MALRD1: variants seen among roughly 807,000 people sequenced by gnomAD.
The protein encoded by MALRD1 is MAM and LDL-receptor class A domain-containing protein 1.
MALRD1 carries 247 observed loss-of-function variants against 242.1 expected under a neutral mutation model. The ratio of observed to expected loss-of-function variants is 1.02; its 90% CI spans 0.92 to 1.13. The LOEUF (loss-of-function observed/expected upper bound fraction) is 1.13. MALRD1 is among the 50% of genes most tolerant of loss of function. The pLI, the probability that MALRD1 is intolerant of heterozygous loss-of-function variation, is 0.00. For synonymous variants in MALRD1, 995 were observed against 866.6 expected, an observed-to-expected ratio of 1.15 and a Z score of -2.60; for missense variants, 2,989 against 2,533.1, an observed-to-expected ratio of 1.18 and a Z score of -3.86.
At chr10:19,184,495 A>T (rs980296748) in intron 14 of MALRD1, among the ~76,000 whole-genome samples, 1 of 152,082 alleles carries the variant, frequency 6.6e-6, no homozygotes, top group East Asian at 1.9e-4. Flanking sequence ...TTTCTTTAGG[A>T]TAGATCATAA....
chr10:19,306,098 CTAGATAGTA>C (rs1588884638), intron 21 of MALRD1, among the ~76,000 whole-genome samples: 4 of 101,114 alleles, frequency 4.0e-5, no homozygotes, highest in Non-Finnish European at 5.4e-5. Context: ...ATACTATATA[CTAGATAGTA>C]TATATATACT....
intron 18 of MALRD1, among the ~76,000 whole-genome samples, chr10:19,228,889 A>G (rs1837913722): frequency 6.6e-6 from 1 of 152,110 alleles, no homozygotes. Flanking sequence ...ATTTTTGGTA[A>G]GTCTTTAATT....
rs371912735 is a variant in MALRD1, at chr10:19,321,534, G to A, written c.3420-2415G>A. Among the ~76,000 whole-genome samples, 120 of 152,218 alleles carry A rather than the reference G, an allele frequency of 7.9e-4. 1 individual carries two copies. The highest frequency in any genetic ancestry group is 2.7e-3 in the African/African-American group (114 of 41,548). On this transcript the variant is annotated intron_variant, in intron 21 of 39. Transcript: ENST00000454679. ...AGATGTAAATAGCTCCAGAGTACAT[G>A]TGATAATTTAATACATTTAACTAAA...
At chr10:19,698,527 A>T (rs756172923) in intron 38 of MALRD1, among the ~76,000 whole-genome samples, 1 of 152,130 alleles carries the variant, frequency 6.6e-6, no homozygotes, top group Non-Finnish European at 1.5e-5. Flanking sequence ...TTTTGAAGTT[A>T]TTGTCTTTTG....
At chr10:19,513,452 C>T (rs1358325899) in intron 31 of MALRD1, among the ~76,000 whole-genome samples, 1 of 149,412 alleles carries the variant, frequency 6.7e-6, no homozygotes, top group Non-Finnish European at 1.5e-5. Context: ...GAAAATTATC[C>T]AACCTGGCCG....
chr10:19,236,198 T>C (rs1359909200), intron 18 of MALRD1, among the ~76,000 whole-genome samples: 1 of 152,198 alleles, frequency 6.6e-6, no homozygotes, highest in East Asian at 1.9e-4. Flanking sequence ...TTCACTCTCT[T>C]AGCCCCATTT....
At chr10:19,514,566 G>T (rs1286666047) in intron 31 of MALRD1, among the ~76,000 whole-genome samples, 1 of 152,168 alleles carries the variant, frequency 6.6e-6, no homozygotes, top group African/African-American at 2.4e-5. Flanking sequence ...ATTAAAATAG[G>T]ATTACAGGGC....
At chr10:19,393,354 G>C (rs1846416362) in intron 28 of MALRD1, among the ~76,000 whole-genome samples, 1 of 151,392 alleles carries the variant, frequency 6.6e-6, no homozygotes, top group Non-Finnish European at 1.5e-5. Flanking sequence ...GTAGAAAATG[G>C]GTTTTACAAC....
At chr10:19,594,330 G>A (rs7069086) in intron 33 of MALRD1, among the ~76,000 whole-genome samples, 84,779 of 151,952 alleles carry the variant, frequency 0.56, 24,055 homozygotes, top group African/African-American at 0.68. Flanking sequence ...TAAAAAGTCA[G>A]AAAACAGTAG....
In MALRD1 at chr10:19,536,045, C is replaced by T. The variant is rs185077616; in HGVS notation, c.5478+4694C>T. On this transcript the variant is annotated intron_variant, in intron 32 of 39. Coordinates refer to ENST00000454679, the MANE Select transcript of MALRD1 (RefSeq NM_001142308.3). ...CTGTGGGAGTATGTCTCCTTGTCAG[C>T]GTAAATTTTCTGAAATCTCACTAAA... Among the ~76,000 whole-genome samples the T allele has an allele frequency of 9.2e-5, 14 of 152,250 alleles. No individual in the cohort carries two copies. In the East Asian group the frequency reaches 1.5e-3, roughly 17 times the overall value.
intron 18 of MALRD1, among the ~76,000 whole-genome samples, chr10:19,230,183 T>C (rs1482238183): frequency 6.6e-6 from 1 of 152,196 alleles, no homozygotes; most frequent in African/African-American, 2.4e-5. Context: ...AAACCTCTTT[T>C]TCTTTATAAA....
intron 18 of MALRD1, among the ~76,000 whole-genome samples, chr10:19,223,926 A>T (rs370900598): frequency 8.5e-5 from 13 of 152,142 alleles, no homozygotes; most frequent in African/African-American, 2.4e-4. Context: ...TATGTGCCAC[A>T]TATTCTTTAT....
intron 28 of MALRD1, among the ~76,000 whole-genome samples, chr10:19,442,100 G>A (rs1834696140): frequency 6.6e-6 from 1 of 152,140 alleles, no homozygotes. Flanking sequence ...AAGCAATTGT[G>A]AATGGGAGTT....
rs766936322 is a variant in MALRD1, at chr10:19,607,878, C to CA, written c.6047dup (p.Leu2017AlafsTer2). Reference sequence around the variant, plus strand: ...TGGTTTTGCCGACTGCATGGATTTCCAGCTTGATGAGTCCAGCTGCTCCGG... The same window carrying CA: ...TGGTTTTGCCGACTGCATGGATTTCCAAGCTTGATGAGTCCAGCTGCTCCGG... On this transcript the variant is annotated frameshift_variant, in exon 35 of 40. Transcript: ENST00000454679. LOFTEE classifies it high-confidence loss of function. 1.4e-4 allele frequency: 214 copies of CA among 1,549,582 alleles called. No homozygotes were observed. The highest frequency in any genetic ancestry group is 8.3e-4 in the Middle Eastern group (5 of 6,006).
At chr10:19,498,242 A>G (rs147811985) in intron 30 of MALRD1, among the ~76,000 whole-genome samples, 1 of 152,366 alleles carries the variant, frequency 6.6e-6, no homozygotes, top group African/African-American at 2.4e-5. Context: ...AGTTTTAACT[A>G]TCATCTATAA....
intron 7 of MALRD1, among the ~76,000 whole-genome samples, chr10:19,126,610 A>C (rs1241719409): frequency 6.6e-6 from 1 of 152,116 alleles, no homozygotes; most frequent in Non-Finnish European, 1.5e-5. Flanking sequence ...TTAGAATTGC[A>C]TGAAATTTAA....
rs2131941182 is a variant in MALRD1 at position 19,730,780 on chromosome 10, AG to A, written c.6390+1del. On this transcript the variant is annotated frameshift_variant and splice_region_variant, in exon 39 of 40. Coordinates refer to ENST00000454679, the MANE Select transcript of MALRD1 (RefSeq NM_001142308.3). LOFTEE classifies it high-confidence loss of function. ...AACTGGAGCAACCCAGAGAAAACAG[AG>A]GTAAGTGGCAAGGGTGAACTATATC... ...YGNWSNPEKT[E>X]SSVYSFSNPL... is the part of the protein sequence containing the mutation. The A allele has an allele frequency of 1.3e-6, 2 of 1,536,570 alleles. No homozygotes were observed. Among genetic ancestry groups the A allele is most frequent in the African/African-American group, 2.7e-5 (2 of 73,158 alleles).
intron 26 of MALRD1, among the ~76,000 whole-genome samples, chr10:19,359,069 A>G (rs1844772378): frequency 6.6e-6 from 1 of 152,190 alleles, no homozygotes; most frequent in African/African-American, 2.4e-5. Context: ...GACAAAGGGG[A>G]CAAAGAAGAA....
intron 10 of MALRD1, among the ~76,000 whole-genome samples, chr10:19,140,838 C>T (rs961625067): frequency 2.6e-5 from 4 of 152,086 alleles, no homozygotes; most frequent in Admixed American, 2.0e-4. Context: ...TTTTCACTTA[C>T]AAGATGAATA....
Sources: gnomAD v4.1 joint callset for allele counts (sites outside exome capture counted in the v4.1 genomes callset) on GRCh38, gnomAD v4.1.1 for gene constraint, MANE v1.5 for transcripts, NCBI Gene and HGNC (gene_info 2026-07-23, HGNC 2026-07-21) for gene names.